Variants in CDC42BPA observed in about 807,000 individuals in gnomAD.
CDC42BPA encodes the protein CDC42 binding protein kinase alpha.
Under a neutral mutation model 223.5 loss-of-function variants are expected in CDC42BPA, and 80 were observed. The observed-to-expected ratio is 0.36, with a 90% CI of 0.30 to 0.43. The LOEUF is 0.43. Among genes scored for constraint, CDC42BPA ranks in the 20% least tolerant of loss-of-function variants. The probability of loss-of-function intolerance (pLI) is 1.00; values close to 1 mark genes in which losing one functional copy is unlikely to be tolerated. For synonymous variants in CDC42BPA, 694 were observed against 718.6 expected (o/e 0.97, Z 0.55); for missense variants, 1,743 against 2,099.9 (o/e 0.83, Z 3.32).
At chr1:227,059,411 G>A (rs562010297) in intron 21 of CDC42BPA, 29 of 1,561,894 alleles carry the variant, frequency 1.9e-5, no homozygotes, top group Admixed American at 7.6e-5. Context: ...GATGGAGAGC[G>A]CTTCAACAGA....
At chr1:227,264,928 G>T (rs763413788) in intron 1 of CDC42BPA, 2 of 1,220,490 alleles carry the variant, frequency 1.6e-6, no homozygotes, top group African/African-American at 1.5e-5. Flanking sequence ...TACCCCACTC[G>T]GTATATTCAT....
chr1:227,017,778 A>G (rs1666582088), intron 32 of CDC42BPA, among the ~76,000 whole-genome samples: 1 of 152,138 alleles, frequency 6.6e-6, no homozygotes, highest in Non-Finnish European at 1.5e-5. Context: ...GTGTGAAAAT[A>G]AGAAAAAAAT....
intron 5 of CDC42BPA, among the ~76,000 whole-genome samples, chr1:227,168,497 G>GTGTTTTGTTTTTTTTTTTTTTT (rs1302291274): frequency 3.7e-5 from 3 of 80,196 alleles, no homozygotes; most frequent in African/African-American, 1.5e-4. Context: ...CTTCCCTGGT[G>GTGTTTTGTTTTTTTTTTTTTTT]TTTTTTTTTT....
intron 35 of CDC42BPA, 145 bp from the exon 36 acceptor site, chr1:226,995,125 C>T: frequency 1.5e-6 from 1 of 681,824 alleles, no homozygotes. Context: ...ACTGTAGTAC[C>T]TTTGCCCTGA....
At chr1:227,195,579 C>G (rs896571741) in intron 4 of CDC42BPA, among the ~76,000 whole-genome samples, 1 of 152,114 alleles carries the variant, frequency 6.6e-6, no homozygotes, top group Non-Finnish European at 1.5e-5. Flanking sequence ...TCTAAAGTAA[C>G]AGTTAAATAA....
chr1:227,072,191 A>C lies in CDC42BPA; in HGVS notation c.2827+17T>G. 6.9e-7 allele frequency: 1 copy of C among 1,450,818 alleles called. No individual in the cohort carries two copies. Among genetic ancestry groups the C allele is most frequent in the Non-Finnish European group, 9.5e-7 (1 of 1,048,836 alleles). 89.9% of individuals were successfully genotyped at this position (1,450,818 alleles called of 1,614,324 possible). On this transcript the variant is annotated intron_variant, in intron 20 of 36. Transcript: ENST00000366766. Reference sequence around the variant, plus strand: ...ATAACAGTAAGTCCTGAGTGAGGCAAACACACACTCCCATACCCTTTTCAG... The same window carrying C: ...ATAACAGTAAGTCCTGAGTGAGGCACACACACACTCCCATACCCTTTTCAG...
intron 1 of CDC42BPA, among the ~76,000 whole-genome samples, chr1:227,267,165 ATTTT>A (rs946207776): frequency 5.9e-5 from 9 of 152,198 alleles, no homozygotes; most frequent in African/African-American, 1.9e-4. Flanking sequence ...AACAAAATAG[ATTTT>A]GTTTCTATAA....
At chr1:227,255,339 G>A (rs1682854304) in intron 1 of CDC42BPA, among the ~76,000 whole-genome samples, 1 of 152,170 alleles carries the variant, frequency 6.6e-6, no homozygotes, top group African/African-American at 2.4e-5. Flanking sequence ...AGTTTGCTCT[G>A]ATCTAAAAGT....
chr1:227,103,978 C>A (rs1002438045), intron 14 of CDC42BPA, among the ~76,000 whole-genome samples: 2 of 151,840 alleles, frequency 1.3e-5, no homozygotes, highest in Non-Finnish European at 2.9e-5. Flanking sequence ...GAAACAAGAT[C>A]AAAATTAAGG....
chr1:227,090,300 C>T (rs1034891055), intron 16 of CDC42BPA, among the ~76,000 whole-genome samples: 1 of 151,990 alleles, frequency 6.6e-6, no homozygotes, highest in Non-Finnish European at 1.5e-5. Flanking sequence ...GCTGAATAAT[C>T]ATGGGGAAAA....
At chr1:227,267,881 G>T (rs1685265339) in intron 1 of CDC42BPA, among the ~76,000 whole-genome samples, 1 of 152,122 alleles carries the variant, frequency 6.6e-6, no homozygotes, top group South Asian at 2.1e-4. Context: ...AATTCGAAAT[G>T]AGATTCGGGT....
intron 17 of CDC42BPA, among the ~76,000 whole-genome samples, chr1:227,078,411 A>G (rs1679943734): frequency 6.6e-6 from 1 of 152,198 alleles, no homozygotes; most frequent in South Asian, 2.1e-4. Flanking sequence ...CTACATTTAT[A>G]GATCTCTGTA....
Position 227,317,504 on chromosome 1 carries a change from A to C in CDC42BPA, c.-322T>G, listed in dbSNP as rs1694593565. The C allele has an allele frequency of 5.2e-6, 2 of 381,706 alleles. No homozygotes were observed. The highest frequency in any genetic ancestry group is 9.0e-6 in the Non-Finnish European group (2 of 221,474). 23.6% of individuals were successfully genotyped at this position (381,706 alleles called of 1,614,324 possible). A position where few individuals can be genotyped will look rare whatever the true frequency, so the allele number is the denominator to read the frequency against. ...AAGTACAACGAACTAGAGAGTCAAC[A>C]CTTCTTTAAAAAAAAAAAAAAAAAC... On this transcript the variant is annotated 5_prime_UTR_variant, in exon 1 of 37. Coordinates refer to ENST00000366766, the MANE Select transcript of CDC42BPA (RefSeq NM_001394014.1).
At chr1:227,001,960 A>C (rs763754407) in intron 35 of CDC42BPA, among the ~76,000 whole-genome samples, 1 of 152,118 alleles carries the variant, frequency 6.6e-6, no homozygotes, top group Non-Finnish European at 1.5e-5. Context: ...AAAACAAAAA[A>C]CAAAACAACA....
rs760863090 is a variant in CDC42BPA at position 227,033,383 on chromosome 1, G to A, written c.3509C>T (p.Ala1170Val). 15 of 1,613,460 alleles carry A rather than the reference G, an allele frequency of 9.3e-6. No homozygotes were observed. The Admixed American group carries it at 2.5e-4, about 27-fold the overall frequency. Residue 1170 changes from alanine to valine, a missense_variant, in exon 27 of 37, where the codon GCT becomes GTT. Around this residue, in one of 6 missense-constraint regions of CDC42BPA, gnomAD observed 678 missense variants for 777.5 expected, o/e 0.87. Transcript: ENST00000366766. ...CCGACTTGCATGGATAACATCAGAA[G>A]CCAAGACTGAACTCACAGAAAATTC... ...DEEFSVSSVL[A>V]SDVIHASRKD...
At chr1:227,006,645 CA>C (rs1162295013) in intron 34 of CDC42BPA, among the ~76,000 whole-genome samples, 2 of 152,132 alleles carry the variant, frequency 1.3e-5, no homozygotes, top group Admixed American at 1.3e-4. Context: ...CACATCGAAA[CA>C]GCCATTCTGG....
At chr1:227,266,662 C>T (rs1488329627) in intron 1 of CDC42BPA, among the ~76,000 whole-genome samples, 1 of 152,206 alleles carries the variant, frequency 6.6e-6, no homozygotes, top group Non-Finnish European at 1.5e-5. Context: ...ATTGAAACTA[C>T]ACGTTTGTGG....
intron 17 of CDC42BPA, among the ~76,000 whole-genome samples, chr1:227,079,633 C>T (rs1403079583): frequency 6.6e-6 from 1 of 152,128 alleles, no homozygotes; most frequent in Non-Finnish European, 1.5e-5. Context: ...AATAACTGTA[C>T]TGTCTAGAAC....
intron 5 of CDC42BPA, among the ~76,000 whole-genome samples, chr1:227,172,320 T>C (rs1666234349): frequency 6.6e-6 from 1 of 152,220 alleles, no homozygotes; most frequent in South Asian, 2.1e-4. Flanking sequence ...GAAGCTATTA[T>C]TTAAGAATTA....
Sources: gnomAD v4.1 joint callset for allele counts (sites outside exome capture counted in the v4.1 genomes callset) on GRCh38, gnomAD v4.1.1 for gene constraint, gnomAD v4.1.1 regional missense constraint, MANE v1.5 for transcripts, NCBI Gene and HGNC (gene_info 2026-07-23, HGNC 2026-07-21) for gene names.